TRIM16: variants seen among roughly 807,000 people sequenced by gnomAD.
TRIM16 encodes the protein tripartite motif-containing protein 16.
Under a neutral mutation model 50.4 loss-of-function variants are expected in TRIM16, and 33 were observed. The observed-to-expected ratio is 0.65, with a 90% CI of 0.50 to 0.88. TRIM16 has a LOEUF of 0.88. TRIM16 is among the 40% of genes least tolerant of loss of function. The pLI, the probability that TRIM16 is intolerant of heterozygous loss-of-function variation, is 0.00. For synonymous variants in TRIM16, 229 were observed against 270.7 expected (o/e 0.85, Z 1.51); for missense variants, 581 against 686.8 (o/e 0.85, Z 1.72).
chr17:15,670,322 T>C (rs1988670768), intron 6 of TRIM16, among the ~76,000 whole-genome samples: 1 of 152,192 alleles, frequency 6.6e-6, no homozygotes, highest in South Asian at 2.1e-4. Flanking sequence ...CTCTGTACCA[T>C]GGCCTCATCA....
intron 6 of TRIM16, among the ~76,000 whole-genome samples, chr17:15,665,752 C>G (rs1188939919): frequency 2.6e-5 from 4 of 151,854 alleles, no homozygotes. Flanking sequence ...TGAGCTCATC[C>G]ATTCCTACGC....
intron 4 of TRIM16, among the ~76,000 whole-genome samples, chr17:15,678,689 C>T (rs1481685271): frequency 1.3e-5 from 2 of 152,152 alleles, no homozygotes; most frequent in Admixed American, 1.3e-4. Context: ...TGTATTAAGG[C>T]CATATATATT....
At chr17:15,634,245 C>T (rs1986597106) in intron 9 of TRIM16, among the ~76,000 whole-genome samples, 1 of 148,422 alleles carries the variant, frequency 6.7e-6, no homozygotes, top group African/African-American at 2.5e-5. Context: ...AGGAGAATGG[C>T]GTGAACCCAG....
intron 7 of TRIM16, among the ~76,000 whole-genome samples, chr17:15,650,200 C>T (rs1987618316): frequency 6.6e-6 from 1 of 152,168 alleles, no homozygotes; most frequent in South Asian, 2.1e-4. Flanking sequence ...CATAGGTCTG[C>T]CACCTGCACT....
intron 7 of TRIM16, among the ~76,000 whole-genome samples, chr17:15,645,332 C>G (rs1567675196): frequency 6.6e-6 from 1 of 152,172 alleles, no homozygotes; most frequent in Non-Finnish European, 1.5e-5. Flanking sequence ...ACTCCTGCTA[C>G]CATGGCTGCT....
At chr17:15,673,675 GC>G (rs1453491656) in intron 6 of TRIM16, among the ~76,000 whole-genome samples, 14 of 152,050 alleles carry the variant, frequency 9.2e-5, no homozygotes, top group African/African-American at 3.4e-4. Flanking sequence ...ATCAATTTAA[GC>G]TTAGGAAGAT....
intron 6 of TRIM16, among the ~76,000 whole-genome samples, chr17:15,659,302 A>G (rs1054548178): frequency 3.3e-5 from 5 of 152,138 alleles, no homozygotes; most frequent in African/African-American, 1.2e-4. Flanking sequence ...TTTGTCTTCC[A>G]GTGAGGTGTG....
At chr17:15,666,062 C>T (rs540946746) in intron 6 of TRIM16, among the ~76,000 whole-genome samples, 2 of 152,262 alleles carry the variant, frequency 1.3e-5, no homozygotes, top group East Asian at 1.9e-4. Flanking sequence ...CACCATTTTA[C>T]ATCTCACACA....
chr17:15,675,079 G>A (rs1363914645), intron 6 of TRIM16, among the ~76,000 whole-genome samples: 1 of 151,698 alleles, frequency 6.6e-6, no homozygotes, highest in African/African-American at 2.4e-5. Flanking sequence ...GGGAAGGGGG[G>A]TAAAATCACT....
In TRIM16 at chr17:15,651,121, G is replaced by A; in HGVS notation, c.489C>T (p.Val163=). 1 of 1,613,608 alleles carries A rather than the reference G, an allele frequency of 6.2e-7. No individual in the cohort carries two copies. ...TGTCCCTGCGGGCTGCATCCAGGGAGACTATGGTGTGGCCACTGTGCTCCT... is the reference window on the plus strand; with the variant it reads ...TGTCCCTGCGGGCTGCATCCAGGGAAACTATGGTGTGGCCACTGTGCTCCT... ...CCQEHSGHTI[V]SLDAARRDKE... is the part of the protein sequence containing the mutation. The change falls in exon 7 of 12, where the codon GTC becomes GTT. Residue 163 remains valine (V), a synonymous_variant. Transcript: ENST00000649191.
intron 8 of TRIM16, among the ~76,000 whole-genome samples, chr17:15,637,578 G>A (rs1986874826): frequency 1.4e-5 from 2 of 146,116 alleles, no homozygotes; most frequent in South Asian, 2.2e-4. Flanking sequence ...AGGTGGGGGG[G>A]TCAGCCCCCC....
intron 6 of TRIM16, among the ~76,000 whole-genome samples, chr17:15,670,350 A>G (rs1231653694): frequency 6.6e-6 from 1 of 152,190 alleles, no homozygotes; most frequent in Admixed American, 6.5e-5. Context: ...CCAGTCAATA[A>G]CTACCACTAA....
intron 8 of TRIM16, among the ~76,000 whole-genome samples, chr17:15,638,142 C>G (rs962105745): frequency 1.6e-5 from 2 of 128,052 alleles, no homozygotes; most frequent in African/African-American, 6.2e-5. Flanking sequence ...CCTAGGAAAA[C>G]CAGAGACCTT....
intron 8 of TRIM16, among the ~76,000 whole-genome samples, chr17:15,637,129 C>A: frequency 2.0e-5 from 2 of 101,234 alleles, no homozygotes; most frequent in African/African-American, 9.3e-5. Context: ...GGGGGGGGGT[C>A]AGCCCCCCGC....
chr17:15,651,478 GTCC>G lies in TRIM16; in HGVS notation c.129_131del (p.Glu43del). On this transcript the variant is annotated inframe_deletion, in exon 7 of 12. Transcript: ENST00000649191. ...TGCCAAGCTTCTCCGAGGAGCCCACGTCCTCTTCTTCCACTGGGCTGGCTGACC... is the reference window on the plus strand; with the variant it reads ...TGCCAAGCTTCTCCGAGGAGCCCACGTCTTCTTCCACTGGGCTGGCTGACC... The G allele has an allele frequency of 6.2e-7, 1 of 1,611,792 alleles. No individual in the cohort carries two copies. The highest frequency in any genetic ancestry group is 8.5e-7 in the Non-Finnish European group (1 of 1,178,568).
At chr17:15,661,041 T>C (rs112953124) in intron 6 of TRIM16, among the ~76,000 whole-genome samples, 1,609 of 152,186 alleles carry the variant, frequency 0.011, 15 homozygotes, top group Middle Eastern at 0.045. Context: ...GTAGATGTTA[T>C]GGAGGGCTCC....
intron 8 of TRIM16, 140 bp from the exon 9 acceptor site, chr17:15,636,409 AT>A: frequency 1.3e-6 from 1 of 753,912 alleles, no homozygotes; most frequent in African/African-American, 1.8e-5. Context: ...GGAATCCTTT[AT>A]TCTCATGTGA....
chr17:15,680,961 G>A lies in TRIM16; in HGVS notation c.-678-8C>T. Reference sequence around the variant, plus strand: ...GGTCCTCAGAGGGCAGAACTGGAAGGAAATTGACATAAAGGAACCTGGTTT... The same window carrying A: ...GGTCCTCAGAGGGCAGAACTGGAAGAAAATTGACATAAAGGAACCTGGTTT... On this transcript the variant is annotated splice_region_variant and splice_polypyrimidine_tract_variant and intron_variant, in intron 3 of 11. Coordinates refer to ENST00000649191, the MANE Select transcript of TRIM16 (RefSeq NM_001348119.1). 3 of 1,496,668 alleles carry A rather than the reference G, an allele frequency of 2.0e-6. No individual in the cohort carries two copies. Among genetic ancestry groups the A allele is most frequent in the Non-Finnish European group, 2.7e-6 (3 of 1,123,156 alleles). The allele number at this position is 1,496,668 out of a possible 1,614,324, so 92.7% of individuals were successfully genotyped here.
chr17:15,672,596 T>C lies in TRIM16; in HGVS notation c.-338+4580A>G, dbSNP rs950365163. Among the ~76,000 whole-genome samples, 6 of 152,150 alleles carry C rather than the reference T, an allele frequency of 3.9e-5. No homozygotes were observed. The East Asian group carries it at 1.2e-3, about 29-fold the overall frequency. ...AAAATACAAACAAATTAGCCGGGTG[T>C]GGTGACGCTTGCCTGTGGTCCCAGC... On this transcript the variant is annotated intron_variant, in intron 6 of 11. Transcript: ENST00000649191.
Sources: gnomAD v4.1 joint callset for allele counts (sites outside exome capture counted in the v4.1 genomes callset) on GRCh38, gnomAD v4.1.1 for gene constraint, MANE v1.5 for transcripts, NCBI Gene and HGNC (gene_info 2026-07-23, HGNC 2026-07-21) for gene names.